The following ATM variants were observed in gnomAD, a reference collection of about 807,000 sequenced individuals.
ATM encodes serine-protein kinase ATM.
ATM carries 308 observed loss-of-function variants against 387.0 expected under a neutral mutation model. The ratio of observed to expected loss-of-function variants is 0.80; its 90% CI spans 0.73 to 0.87. The LOEUF (loss-of-function observed/expected upper bound fraction) is 0.87. Ranked by LOEUF, ATM falls within the 40% of genes least tolerant of loss-of-function variation. The probability of loss-of-function intolerance (pLI) is 0.00; values close to 1 mark genes in which losing one functional copy is unlikely to be tolerated. For synonymous variants in ATM, 1,156 were observed against 1,187.3 expected (o/e 0.97, Z 0.54); for missense variants, 3,312 against 3,560.9 (o/e 0.93, Z 1.78).
rs192533461 is a variant in ATM, at chr11:108,289,850, C to T, written c.4436+49C>T. 1.7e-5 allele frequency: 26 copies of T among 1,550,990 alleles called. No individual in the cohort carries two copies. In the East Asian group the frequency reaches 5.7e-4, roughly 34 times the overall value. ...ATATAAGCAGTCTTTCTATCCTGTT[C>T]TTCCTGTTTTTTTGCTTTGTTTTGT... On this transcript the variant is annotated intron_variant, in intron 29 of 62. Transcript: ENST00000675843.
intron 36 of ATM, among the ~76,000 whole-genome samples, chr11:108,303,568 G>A (rs574264520): frequency 6.6e-6 from 1 of 152,262 alleles, no homozygotes; most frequent in South Asian, 2.1e-4. Flanking sequence ...TGTCAAATGT[G>A]ATTCAACAGA....
intron 16 of ATM, among the ~76,000 whole-genome samples, chr11:108,263,774 C>T (rs1325457381): frequency 3.4e-5 from 5 of 147,896 alleles, no homozygotes; most frequent in African/African-American, 7.5e-5. Context: ...ATCAAATAGA[C>T]GCAATAAAAA....
chr11:108,269,876 G>C (rs902025006), intron 18 of ATM, among the ~76,000 whole-genome samples: 8 of 152,178 alleles, frequency 5.3e-5, no homozygotes, highest in Non-Finnish European at 1.2e-4. Context: ...CCCTGGTTTA[G>C]GTCCTCGCAG....
At chr11:108,289,248 A>G in intron 28 of ATM, 145 bp downstream of exon 28, 3 of 928,320 alleles carry the variant, frequency 3.2e-6, no homozygotes, top group Non-Finnish European at 4.7e-6. Flanking sequence ...TACAAGTTTA[A>G]ATGGTATTTT....
intron 61 of ATM, among the ~76,000 whole-genome samples, chr11:108,357,692 C>T (rs1353349731): frequency 2.6e-5 from 4 of 152,274 alleles, no homozygotes; most frequent in East Asian, 1.9e-4. Context: ...CACACTGACA[C>T]CTCACACGGC....
chr11:108,251,713 T>C (rs1375133088), intron 10 of ATM, 124 bp from the exon 11 acceptor site: 1 of 940,264 alleles, frequency 1.1e-6, no homozygotes, highest in East Asian at 2.6e-5. Context: ...AATCAGACTT[T>C]TAACAGTTTT....
rs786202953 is a variant in ATM at position 108,227,781 on chromosome 11, A to T, written c.78A>T (p.Glu26Asp). The T allele has an allele frequency of 1.5e-5, 24 of 1,613,572 alleles. No individual in the cohort carries two copies. Among genetic ancestry groups the T allele is most frequent in the Non-Finnish European group, 2.0e-5 (24 of 1,179,766 alleles). The change falls in exon 3 of 63, where the codon GAA (glutamate) becomes GAT (aspartate). Residue 26 changes from glutamate to aspartate, a missense_variant. Coordinates refer to ENST00000675843, the MANE Select transcript of ATM (RefSeq NM_000051.4). ...TATTTCCTTTTTATTTTCAGAAAGA[A>T]GTTGAGAAATTTAAGCGCCTGATTC... ...EHDRATERKK[E>D]VEKFKRLIRD...
chr11:108,325,400 G>A lies in ATM; in HGVS notation c.6663G>A (p.Glu2221=), dbSNP rs2136311338. 1 of 1,613,726 alleles carries A rather than the reference G, an allele frequency of 6.2e-7. No individual in the cohort carries two copies. Among genetic ancestry groups the A allele is most frequent in the Admixed American group, 1.7e-5 (1 of 60,000 alleles). The change falls in exon 46 of 63, where the codon GAG becomes GAA. Residue 2221 remains glutamate, a synonymous_variant. Coordinates refer to ENST00000675843, the MANE Select transcript of ATM (RefSeq NM_000051.4). ...LLKDSDFSFQ[E]PIMALRTVIL... is the part of the protein sequence containing the mutation. ...AGGACAGTGATTTTAGTTTTCAGGA[G>A]CCTATCATGGCTCTACGCACAGTCA...
In ATM at chr11:108,248,986, A is replaced by T. The variant is rs754889105; in HGVS notation, c.1119A>T (p.Thr373=). 5 of 1,613,076 alleles carry T rather than the reference A, an allele frequency of 3.1e-6. No homozygotes were observed. Among genetic ancestry groups the T allele is most frequent in the Non-Finnish European group, 4.2e-6 (5 of 1,179,050 alleles). The change falls in exon 9 of 63, where the codon ACA becomes ACT. Residue 373 remains threonine, a synonymous_variant. Coordinates refer to ENST00000675843, the MANE Select transcript of ATM (RefSeq NM_000051.4). ...SLEISQSYTT[T]QRESSDYSVP... is the part of the protein sequence containing the mutation. ...AGATTTCTCAATCTTACACTACTAC[A>T]CAAAGAGAATCTAGTGATTACAGTG...
At chr11:108,272,242 T>A (rs1189253212) in intron 20 of ATM, among the ~76,000 whole-genome samples, 1 of 152,190 alleles carries the variant, frequency 6.6e-6, no homozygotes, top group Admixed American at 6.5e-5. Flanking sequence ...CAAAGAAATT[T>A]CTTTCTAAAG....
rs2135421276 is a variant in ATM at position 108,259,021 on chromosome 11, G to T, written c.2412G>T (p.Leu804=). The change falls in exon 16 of 63, where the codon CTG becomes CTT. Residue 804 remains leucine (L), a synonymous_variant. Coordinates refer to ENST00000675843, the MANE Select transcript of ATM (RefSeq NM_000051.4). ...ATAAGATTGCATCTGGCTTTTTCCT[G>T]CGATTGTTAACATCAAAGCTAATGA... ...SPNKIASGFF[L]RLLTSKLMND... 1 of 1,613,820 alleles carries T rather than the reference G, an allele frequency of 6.2e-7. No individual in the cohort carries two copies. Among genetic ancestry groups the T allele is most frequent in the Non-Finnish European group, 8.5e-7 (1 of 1,179,950 alleles).
At position 108,350,793 on chromosome 11, in the gene ATM, G is replaced by A. The variant is rs142388266; in HGVS notation, c.8672-2973G>A. Among the ~76,000 whole-genome samples, 81 of 152,306 alleles carry A rather than the reference G, an allele frequency of 5.3e-4. 1 individual carries two copies. In the East Asian group the frequency reaches 0.015, roughly 29 times the overall value. On this transcript the variant is annotated intron_variant, in intron 59 of 62. Transcript: ENST00000675843. Reference sequence around the variant, plus strand: ...AGATGCAAATTAGAGGTAGGAGTATGCCAACCTGAGTCCATTCAGGTCGTG... The same window carrying A: ...AGATGCAAATTAGAGGTAGGAGTATACCAACCTGAGTCCATTCAGGTCGTG...
chr11:108,285,746 C>A (rs592955), intron 26 of ATM, among the ~76,000 whole-genome samples: 78,993 of 151,812 alleles, frequency 0.52, 21,381 homozygotes, highest in Middle Eastern at 0.72. Flanking sequence ...CAGAGGACTC[C>A]TTTCCCAAAG....
chr11:108,265,179 A>G (rs2081154776), intron 16 of ATM, among the ~76,000 whole-genome samples: 1 of 151,806 alleles, frequency 6.6e-6, no homozygotes. Context: ...CGGCAAGTCA[A>G]TCCTAAGCCA....
chr11:108,291,455 T>A (rs999592045), intron 29 of ATM, among the ~76,000 whole-genome samples: 3 of 152,214 alleles, frequency 2.0e-5, no homozygotes, highest in Admixed American at 6.5e-5. Context: ...ACTGTCTATG[T>A]CCAAACTTTC....
At chr11:108,354,669 A>G in intron 60 of ATM, 142 bp from the exon 61 acceptor site, 1 of 790,096 alleles carries the variant, frequency 1.3e-6, no homozygotes, top group Non-Finnish European at 2.2e-6. Context: ...CCACTCTGCC[A>G]AGTATTATGC....
At chr11:108,257,374 C>T (rs1025849870) in intron 14 of ATM, 107 bp from the exon 15 acceptor site, 2 of 1,365,310 alleles carry the variant, frequency 1.5e-6, no homozygotes, top group Admixed American at 2.2e-5. Flanking sequence ...CTTAAGTGCA[C>T]TTTATTTTTT....
At chr11:108,357,182 C>T (rs557721975) in intron 61 of ATM, among the ~76,000 whole-genome samples, 1 of 152,324 alleles carries the variant, frequency 6.6e-6, no homozygotes, top group Admixed American at 6.5e-5. Context: ...AAAGGGGTGA[C>T]AGACGGCACC....
At chr11:108,355,563 A>C (rs189328374) in intron 61 of ATM, 247 of 152,954 alleles carry the variant, frequency 1.6e-3, no homozygotes, top group Non-Finnish European at 2.3e-3. Context: ...TGGCCTCCCC[A>C]GGGAAGCATG....
Sources: allele counts gnomAD v4.1 joint callset (sites outside exome capture counted in the v4.1 genomes callset), GRCh38; gene constraint gnomAD v4.1.1; transcripts MANE v1.5; gene names NCBI Gene and HGNC (gene_info 2026-07-23, HGNC 2026-07-21).